FAT2: variants seen among roughly 807,000 people sequenced by gnomAD.
FAT2 encodes FAT atypical cadherin 2.
Under a neutral mutation model 295.3 loss-of-function variants are expected in FAT2, and 150 were observed. That is an observed-to-expected ratio of 0.51 (90% confidence interval 0.44 to 0.58). The LOEUF is 0.58. Ranked by LOEUF, FAT2 falls within the 20% of genes least tolerant of loss-of-function variation. The pLI is 0.00. For missense variants in FAT2, 4,868 were observed against 5,442.7 expected (o/e 0.89, Z 3.32); for synonymous variants, 2,026 against 2,150.3 (o/e 0.94, Z 1.60).
At chr5:151,592,886 T>C (rs1759466952), upstream of FAT2, among the ~76,000 whole-genome samples, 1 of 152,230 alleles carries the variant, frequency 6.6e-6, no homozygotes, top group Non-Finnish European at 1.5e-5. Flanking sequence ...ATGAGGCTTT[T>C]TGCTGTTTCC....
rs541450267 is a variant in FAT2, at chr5:151,505,118, C to T, written c.*447G>A. ...CGCAGCCCTCTAGAGCTCCTCTGTA[C>T]GGCCCGCGTAGTGGTTGTCTGTCAG... On this transcript the variant is annotated 3_prime_UTR_variant, in exon 24 of 24. Transcript: ENST00000261800. The T allele has an allele frequency of 3.2e-5, 8 of 252,458 alleles. No homozygotes were observed. Among genetic ancestry groups the T allele is most frequent in the African/African-American group, 1.2e-4 (5 of 42,802 alleles). The allele number at this position is 252,458 out of a possible 1,614,324, so 15.6% of individuals were successfully genotyped here.
chr5:151,521,140 T>G, intron 19 of FAT2, 136 bp downstream of exon 19: 1 of 811,696 alleles, frequency 1.2e-6, no homozygotes, highest in South Asian at 1.9e-5. Flanking sequence ...AGCCGTCTTA[T>G]GGTGATTGGT....
intron 1 of FAT2, among the ~76,000 whole-genome samples, chr5:151,583,997 CAAAAAAAAAAAA>C (rs35453556): frequency 8.7e-5 from 4 of 46,046 alleles, no homozygotes; most frequent in Admixed American, 3.6e-4. Context: ...GGCTCTGTCT[CAAAAAAAAAAAA>C]AAAAAAAAAA....
Position 151,567,836 on chromosome 5 carries a change from C to T in FAT2, c.1096G>A (p.Val366Ile). 1.9e-6 allele frequency: 3 copies of T among 1,614,192 alleles called. No homozygotes were observed. Among genetic ancestry groups the T allele is most frequent in the Non-Finnish European group, 2.5e-6 (3 of 1,180,036 alleles). Residue 366 changes from valine to isoleucine, a missense_variant, in exon 2 of 24, where the codon GTT (valine) becomes ATT (isoleucine). Coordinates refer to ENST00000261800, the MANE Select transcript of FAT2 (RefSeq NM_001447.3). Reference protein sequence around the residue: ...KLSSLKFEKAVYRVQLSEFSP... With the variant: ...KLSSLKFEKAIYRVQLSEFSP... ...AACTCACTAAGCTGCACTCTGTAAA[C>T]AGCCTTCTCGAATTTGAGGGAAGAC...
At position 151,545,439 on chromosome 5, in the gene FAT2, G is replaced by A; in HGVS notation, c.5688C>T (p.Ala1896=). The A allele has an allele frequency of 6.2e-7, 1 of 1,614,102 alleles. No homozygotes were observed. Among genetic ancestry groups the A allele is most frequent in the African/African-American group, 1.3e-5 (1 of 75,020 alleles). ...AATTGACTTCTGAGTCTTCATCGCT[G>A]GCCCGCACCATGAGAAGCTCCATGC... is the stretch of plus-strand genomic sequence containing the variant. The part of the protein sequence containing the change: ...HPGMELLMVR[A]SDEDSEVNYS... The change falls in exon 10 of 24, where the codon GCC becomes GCT. Residue 1896 remains alanine (A), a synonymous_variant. Transcript: ENST00000261800.
intron 1 of FAT2, among the ~76,000 whole-genome samples, chr5:151,583,997 CAAAA>C (rs35453556): frequency 1.7e-4 from 8 of 46,046 alleles, no homozygotes; most frequent in Admixed American, 3.6e-4. Flanking sequence ...GGCTCTGTCT[CAAAA>C]AAAAAAAAAA....
intron 1 of FAT2, among the ~76,000 whole-genome samples, chr5:151,573,977 T>C (rs1581463964): frequency 6.6e-6 from 1 of 152,284 alleles, no homozygotes; most frequent in East Asian, 1.9e-4. Context: ...ATATTTGTCC[T>C]TGGGGGAGAT....
Position 151,512,711 on chromosome 5 carries a change from A to AG in FAT2, c.11464-106dup, listed in dbSNP as rs1164828367. ...TGTTGTTTGTATTTTTATGGGTAGG[A>AG]GGGGGGTGTTTGGCTGTTTTAGACA... On this transcript the variant is annotated intron_variant, in intron 20 of 23. Coordinates refer to ENST00000261800, the MANE Select transcript of FAT2 (RefSeq NM_001447.3). The surrounding 1 kb of genome is among the most constrained non-coding windows in gnomAD (Gnocchi z 4.1). 8.1e-6 allele frequency: 9 copies of AG among 1,104,832 alleles called. No homozygotes were observed. In the South Asian group the frequency reaches 1.1e-4, roughly 14 times the overall value. The allele number at this position is 1,104,832 out of a possible 1,614,324, so 68.4% of individuals were successfully genotyped here. A position where few individuals can be genotyped will look rare whatever the true frequency, so the allele number is the denominator to read the frequency against.
At chr5:151,575,540 C>G (rs375731517) in intron 1 of FAT2, among the ~76,000 whole-genome samples, 1 of 152,168 alleles carries the variant, frequency 6.6e-6, no homozygotes, top group African/African-American at 2.4e-5. Context: ...AGGTAAAGTA[C>G]GGCAAATACC....
rs1761365501 is a variant in FAT2, at chr5:151,512,074, A to G, written c.11905+91T>C. ...GAAGAGAGAGAAATTTGGAACCAGG[A>G]GGCTCTGAGATCTCCACCCTGACAT... On this transcript the variant is annotated intron_variant, in intron 21 of 23. Coordinates refer to ENST00000261800, the MANE Select transcript of FAT2 (RefSeq NM_001447.3). This position sits in a 1 kb window ranked among gnomAD's most constrained non-coding sequence, Gnocchi z 4.1. The G allele has an allele frequency of 8.1e-7, 1 of 1,229,036 alleles. No individual in the cohort carries two copies. Among genetic ancestry groups the G allele is most frequent in the African/African-American group, 1.5e-5 (1 of 65,824 alleles). 76.1% of individuals were successfully genotyped at this position (1,229,036 alleles called of 1,614,324 possible). A position where few individuals can be genotyped will look rare whatever the true frequency, so the allele number is the denominator to read the frequency against.
At position 151,505,760 on chromosome 5, in the gene FAT2, C is replaced by T. The variant is rs1360492770; in HGVS notation, c.12855G>A (p.Gly4285=). 8 of 1,613,730 alleles carry T rather than the reference C, an allele frequency of 5.0e-6. No homozygotes were observed. The highest frequency in any genetic ancestry group is 6.8e-6 in the Non-Finnish European group (8 of 1,179,704). Residue 4285 remains glycine, a synonymous_variant, in exon 24 of 24, where the codon GGG becomes GGA. Coordinates refer to ENST00000261800, the MANE Select transcript of FAT2 (RefSeq NM_001447.3). Reference sequence around the variant, plus strand: ...CCCCGTCTGCCAGGCAGGGCCCTCCCCCTCCCTGCCGGAACTGCGAGTGGT... The same window carrying T: ...CCCCGTCTGCCAGGCAGGGCCCTCCTCCTCCCTGCCGGAACTGCGAGTGGT... ...SYYHSQFRQG[G]GGPCLADGGY...
At position 151,544,417 on chromosome 5, in the gene FAT2, G is replaced by T; in HGVS notation, c.6710C>A (p.Thr2237Asn). ...GGCTCTGACTGTGAACACATGTTTG[G>T]TCTTGGACTCATAGTCCAAAGGCCC... The part of the protein sequence containing the change: ...VTGPLDYESK[T>N]KHVFTVRATD... Residue 2237 changes from threonine (T) to asparagine (N), a missense_variant, in exon 10 of 24, where the codon ACC becomes AAC. Thr to Asn is a moderately conservative substitution (Grantham distance 65). Around this residue, in one of 5 missense-constraint regions of FAT2, gnomAD observed 3,297 missense variants for 3,669.4 expected, o/e 0.90. Coordinates refer to ENST00000261800, the MANE Select transcript of FAT2 (RefSeq NM_001447.3). 6.2e-7 allele frequency: 1 copy of T among 1,614,158 alleles called. No individual in the cohort carries two copies. Among genetic ancestry groups the T allele is most frequent in the Non-Finnish European group, 8.5e-7 (1 of 1,180,016 alleles).
intron 3 of FAT2, among the ~76,000 whole-genome samples, chr5:151,559,398 G>T (rs1277576078): frequency 6.6e-6 from 1 of 152,152 alleles, no homozygotes; most frequent in Non-Finnish European, 1.5e-5. Flanking sequence ...TACTGTCCCA[G>T]CTTGGCCCCA....
chr5:151,549,562 G>A (rs1756987865), intron 8 of FAT2, 57 bp from the exon 9 acceptor site: 3 of 1,499,636 alleles, frequency 2.0e-6, no homozygotes, highest in East Asian at 2.3e-5. Flanking sequence ...AGGAGGCAGG[G>A]TTAGGGTAAG....
chr5:151,551,513 T>A lies in FAT2; in HGVS notation c.4250A>T (p.Asn1417Ile). Residue 1417 changes from asparagine to isoleucine, a missense_variant, in exon 7 of 24, where the codon AAC (asparagine) becomes ATC (isoleucine). Asn to Ile is a moderately radical substitution (Grantham distance 149, BLOSUM62 -3). Around this residue, in one of 5 missense-constraint regions of FAT2, gnomAD observed 3,297 missense variants for 3,669.4 expected, o/e 0.90. Coordinates refer to ENST00000261800, the MANE Select transcript of FAT2 (RefSeq NM_001447.3). ...PLDTRRRSNY[N>I]LTVEVTDGSR... is the part of the protein sequence containing the mutation. ...CCCATCTGTCACCTCAACAGTCAAGTTATAGTTCGACCTTCTCCTGGTATC... is the reference window on the plus strand; with the variant it reads ...CCCATCTGTCACCTCAACAGTCAAGATATAGTTCGACCTTCTCCTGGTATC... The A allele has an allele frequency of 6.2e-7, 1 of 1,614,188 alleles. No individual in the cohort carries two copies. The highest frequency in any genetic ancestry group is 8.5e-7 in the Non-Finnish European group (1 of 1,180,018).
chr5:151,537,075 A>C (rs906105972), intron 12 of FAT2, among the ~76,000 whole-genome samples: 7 of 152,234 alleles, frequency 4.6e-5, no homozygotes, highest in Non-Finnish European at 1.0e-4. Flanking sequence ...GTGATCTTTT[A>C]CTTAAGATCC....
chr5:151,593,381 T>C (rs1759488793), upstream of FAT2, among the ~76,000 whole-genome samples: 1 of 152,002 alleles, frequency 6.6e-6, no homozygotes, highest in South Asian at 2.1e-4. Flanking sequence ...GGGAGATGGG[T>C]ATCAGGATGG....
chr5:151,545,777 GGTT>G lies in FAT2; in HGVS notation c.5347_5349del (p.Asn1783del). On this transcript the variant is annotated inframe_deletion, in exon 10 of 24. Transcript: ENST00000261800. Reference sequence around the variant, plus strand: ...CTGTCAGAGGCATGAATCACAAAGGGGTTGTTGTTTTTATCCATGATCATGCTA... The same window carrying G: ...CTGTCAGAGGCATGAATCACAAAGGGGTTGTTTTTATCCATGATCATGCTA... The G allele has an allele frequency of 1.9e-6, 3 of 1,614,138 alleles. No individual in the cohort carries two copies. Among genetic ancestry groups the G allele is most frequent in the South Asian group, 2.2e-5 (2 of 91,060 alleles).
rs770597316 is a variant in FAT2 at position 151,521,835 on chromosome 5, C to G, written c.10758G>C (p.Lys3586Asn). 6 of 1,614,098 alleles carry G rather than the reference C, an allele frequency of 3.7e-6. No homozygotes were observed. Among genetic ancestry groups the G allele is most frequent in the Non-Finnish European group, 5.1e-6 (6 of 1,180,040 alleles). The stretch of plus-strand genomic sequence containing the variant: ...GAGGCAGGCCCTGGGCGGCGATAAT[C>G]TTGCCATCAGGCGCACCCACTGAGA... ...RHFSVGAPDG[K>N]IIAAQGLPRG... Residue 3586 changes from lysine (K) to asparagine (N), a missense_variant, in exon 19 of 24, where the codon AAG (lysine) becomes AAC (asparagine). This residue lies in a region of FAT2 where 1,046 missense variants were observed against 1,210.1 expected (regional missense o/e 0.86). Coordinates refer to ENST00000261800, the MANE Select transcript of FAT2 (RefSeq NM_001447.3).
Sources: allele counts gnomAD v4.1 joint callset (sites outside exome capture counted in the v4.1 genomes callset), GRCh38; gene constraint gnomAD v4.1.1; regional missense constraint gnomAD v4.1.1; non-coding constraint Gnocchi (gnomAD v3.1); transcripts MANE v1.5; gene names NCBI Gene and HGNC (gene_info 2026-07-23, HGNC 2026-07-21).